ACAD9: variants seen among roughly 807,000 people sequenced by gnomAD.
ACAD9 encodes the protein complex I assembly factor ACAD9, mitochondrial.
A neutral mutation model predicts 70.2 loss-of-function variants in ACAD9; 53 were observed. The observed-to-expected ratio is 0.75, with a 90% CI of 0.61 to 0.95. The LOEUF is 0.95. ACAD9 is among the 40% of genes least tolerant of loss of function. The pLI, the probability that ACAD9 is intolerant of heterozygous loss-of-function variation, is 0.00. For missense variants in ACAD9, 777 were observed against 802.8 expected (o/e 0.97, Z 0.39); for synonymous variants, 313 against 312.1 (o/e 1.00, Z -0.03).
At chr3:128,884,306 TGAG>T (rs1935181834) in intron 1 of ACAD9, among the ~76,000 whole-genome samples, 2 of 152,304 alleles carry the variant, frequency 1.3e-5, no homozygotes, top group South Asian at 2.1e-4. Flanking sequence ...GGCCACATAA[TGAG>T]TAAGCCTGAA....
intron 3 of ACAD9, among the ~76,000 whole-genome samples, chr3:128,894,615 G>A (rs1478597339): frequency 6.7e-6 from 1 of 148,844 alleles, no homozygotes; most frequent in Non-Finnish European, 1.5e-5. Context: ...GCTCACTGTA[G>A]CCCTGAATTC....
chr3:128,887,950 G>C (rs1271263171), intron 2 of ACAD9, among the ~76,000 whole-genome samples: 2 of 152,146 alleles, frequency 1.3e-5, no homozygotes, highest in African/African-American at 4.8e-5. Context: ...CTGTCATCTG[G>C]AGACACAGAA....
At chr3:128,882,669 C>T (rs549044745) in intron 1 of ACAD9, among the ~76,000 whole-genome samples, 2 of 152,326 alleles carry the variant, frequency 1.3e-5, no homozygotes, top group South Asian at 4.1e-4. Context: ...ATTTGGGTGC[C>T]TGTTTTCCCT....
chr3:128,896,298 T>C, intron 4 of ACAD9, 138 bp from the exon 5 acceptor site: 2 of 946,122 alleles, frequency 2.1e-6, no homozygotes, highest in Non-Finnish European at 1.7e-6. Context: ...GGGCTCTGCC[T>C]GTGGCCGCTT....
At position 128,881,376 on chromosome 3, in the gene ACAD9, C is replaced by T. The variant is rs529146052; in HGVS notation, c.150+1535C>T. On this transcript the variant is annotated intron_variant, in intron 1 of 17. Coordinates refer to ENST00000308982, the MANE Select transcript of ACAD9 (RefSeq NM_014049.5). Reference sequence around the variant, plus strand: ...TTGCTTCCCATTCCACTGGGAAAATCCATGCAGTCGGATGAGAAGTTCACA... The same window carrying T: ...TTGCTTCCCATTCCACTGGGAAAATTCATGCAGTCGGATGAGAAGTTCACA... 3.9e-5 allele frequency among the ~76,000 whole-genome samples: 6 copies of T among 152,346 alleles called. No homozygotes were observed. The East Asian group carries it at 1.2e-3, about 29-fold the overall frequency.
At chr3:128,911,926 C>T (rs1288513449) in intron 17 of ACAD9, among the ~76,000 whole-genome samples, 2 of 152,222 alleles carry the variant, frequency 1.3e-5, no homozygotes, top group African/African-American at 2.4e-5. Flanking sequence ...GCTCGTGCTC[C>T]CCGCTCTGTC....
Position 128,910,771 on chromosome 3 carries a change from G to A in ACAD9, c.1723G>A (p.Ala575Thr), listed in dbSNP as rs1488601780. The A allele has an allele frequency of 1.9e-6, 3 of 1,614,208 alleles. No individual in the cohort carries two copies. In the South Asian group the frequency reaches 3.3e-5, roughly 18 times the overall value. ...VLLANTFCVE[A>T]YLQNLFSLSQ... is the part of the protein sequence containing the mutation. ...CTTGGCCAACACCTTCTGCGTGGAA[G>A]CTTACTTGCAGAATCTCTTCAGCCT... The change falls in exon 17 of 18, where the codon GCT becomes ACT. Residue 575 changes from alanine (A) to threonine (T), a missense_variant. Coordinates refer to ENST00000308982, the MANE Select transcript of ACAD9 (RefSeq NM_014049.5).
chr3:128,910,673 G>A (rs535800944), intron 16 of ACAD9, 68 bp from the exon 17 acceptor site: 1 of 1,573,680 alleles, frequency 6.4e-7, no homozygotes. Context: ...TGATAGGCTG[G>A]GTTTTTGAAG....
chr3:128,888,092 T>A (rs994046297), intron 2 of ACAD9, among the ~76,000 whole-genome samples: 4 of 152,316 alleles, frequency 2.6e-5, no homozygotes, highest in African/African-American at 2.4e-5. Context: ...CTGCTTTGAG[T>A]GACTTATATG....
chr3:128,898,471 T>C (rs1272492456), intron 6 of ACAD9: 1 of 446,012 alleles, frequency 2.2e-6, no homozygotes, highest in Non-Finnish European at 4.5e-6. Flanking sequence ...AGTGGCACGA[T>C]CTTGGCTCAC....
chr3:128,890,337 C>T (rs1008215859), intron 2 of ACAD9, among the ~76,000 whole-genome samples: 7 of 152,206 alleles, frequency 4.6e-5, no homozygotes, highest in South Asian at 4.1e-4. Flanking sequence ...CTGCCCGACT[C>T]GGCCTCCCAT....
At chr3:128,909,933 A>AAGAC in intron 15 of ACAD9, 88 bp from the exon 16 acceptor site, 2 of 1,568,290 alleles carry the variant, frequency 1.3e-6, no homozygotes, top group East Asian at 4.5e-5. Flanking sequence ...ACAGGAGACT[A>AAGAC]AGACAGGCAA....
intron 7 of ACAD9, 150 bp from the exon 8 acceptor site, chr3:128,901,126 T>A (rs1451498484): frequency 1.6e-5 from 12 of 749,128 alleles, no homozygotes; most frequent in Middle Eastern, 2.3e-4. Flanking sequence ...AGTATGAGCC[T>A]CCACAAAGAT....
Position 128,879,648 on chromosome 3 carries a change from TAAG to T in ACAD9, c.-40_-38del, listed in dbSNP as rs1460032005. The T allele has an allele frequency of 1.3e-6, 2 of 1,595,024 alleles. No homozygotes were observed. The highest frequency in any genetic ancestry group is 1.7e-5 in the Admixed American group (1 of 59,280). On this transcript the variant is annotated 5_prime_UTR_variant, in exon 1 of 18. Transcript: ENST00000308982. The stretch of plus-strand genomic sequence containing the variant: ...AGACGTGTGTGTGTCCCTGCGGCGC[TAAG>T]AAGGGGAGACTGAGGCTGAGGCTGG...
chr3:128,894,078 G>T (rs867830347), intron 3 of ACAD9, among the ~76,000 whole-genome samples: 7 of 152,146 alleles, frequency 4.6e-5, no homozygotes, highest in Non-Finnish European at 1.0e-4. Context: ...CCTGAATTCT[G>T]CAGAGGTTAA....
chr3:128,896,263 C>T (rs980061324), intron 4 of ACAD9, among the ~76,000 whole-genome samples, 173 bp from the exon 5 acceptor site: 6 of 152,370 alleles, frequency 3.9e-5, no homozygotes, highest in South Asian at 2.1e-4. Flanking sequence ...GCGCCCTGAC[C>T]GTCTCCTCAG....
rs758286242 is a variant in ACAD9 at position 128,902,682 on chromosome 3, C to T, written c.958+54C>T. The T allele has an allele frequency of 2.5e-6, 4 of 1,589,730 alleles. No homozygotes were observed. The Admixed American group carries it at 6.8e-5, about 27-fold the overall frequency. On this transcript the variant is annotated intron_variant, in intron 9 of 17. Transcript: ENST00000308982. This position sits in a 1 kb window ranked among gnomAD's most constrained non-coding sequence, Gnocchi z 4.0. ...TGCCCCACCCCCTGCTGCCCCGGCT[C>T]CAACCCTGGAGGCTCTGCCATTCCC...
intron 1 of ACAD9, among the ~76,000 whole-genome samples, chr3:128,881,395 G>C (rs789226): frequency 0.58 from 87,700 of 151,846 alleles, 28,219 homozygotes; most frequent in African/African-American, 0.87. Context: ...CGGATGAGAA[G>C]TTCACAGGCA....
At chr3:128,907,398 C>T (rs1474893173) in intron 12 of ACAD9, among the ~76,000 whole-genome samples, 1 of 152,138 alleles carries the variant, frequency 6.6e-6, no homozygotes, top group East Asian at 1.9e-4. Context: ...TTGGGGTTCT[C>T]CAGGGCTGGG....
Sources: allele counts gnomAD v4.1 joint callset (sites outside exome capture counted in the v4.1 genomes callset), GRCh38; gene constraint gnomAD v4.1.1; non-coding constraint Gnocchi (gnomAD v3.1); transcripts MANE v1.5; gene names NCBI Gene and HGNC (gene_info 2026-07-23, HGNC 2026-07-21).